Variants in MSR1 observed in about 807,000 individuals in gnomAD.
MSR1 encodes macrophage scavenger receptor types I and II.
In MSR1, 53 loss-of-function variants were observed where a neutral mutation model predicts 47.2. The observed-to-expected ratio is 1.12, with a 90% confidence interval of 0.90 to 1.41. MSR1 has a LOEUF of 1.41. Among genes scored for constraint, MSR1 ranks in the 40% most tolerant of loss-of-function variants. MSR1 has a pLI of 0.00. For missense variants in MSR1, 786 were observed against 546.9 expected, an observed-to-expected ratio of 1.44 and a Z score of -4.36; for synonymous variants, 239 against 185.6, an observed-to-expected ratio of 1.29 and a Z score of -2.34.
At chr8:16,141,447 A>G (rs560670544) in intron 8 of MSR1, among the ~76,000 whole-genome samples, 76 of 152,324 alleles carry the variant, frequency 5.0e-4, no homozygotes, top group Middle Eastern at 6.8e-3. Context: ...TAGCTGAATA[A>G]TAGAATAATG....
At position 16,108,171 on chromosome 8, in the gene MSR1, G is replaced by C. The variant is rs959339444; in HGVS notation, c.*1914C>G. ...TAATAGTACTATTAACAGTGTCATAGTACTAGTACTAGTAATAGTACTAGT... is the reference window on the plus strand; with the variant it reads ...TAATAGTACTATTAACAGTGTCATACTACTAGTACTAGTAATAGTACTAGT... On this transcript the variant is annotated 3_prime_UTR_variant, in exon 10 of 10. Coordinates refer to ENST00000262101, the MANE Select transcript of MSR1 (RefSeq NM_138715.3). The C allele has an allele frequency of 1.4e-5, 2 of 146,816 alleles. No individual in the cohort carries two copies. The highest frequency in any genetic ancestry group is 2.5e-5 in the African/African-American group (1 of 39,638). The allele number at this position is 146,816 out of a possible 1,614,324, so 9.1% of individuals were successfully genotyped here.
intron 1 of MSR1, among the ~76,000 whole-genome samples, chr8:16,181,234 T>C (rs1177894131): frequency 1.3e-5 from 2 of 152,204 alleles, no homozygotes; most frequent in East Asian, 3.9e-4. Context: ...CTGGGTCAAA[T>C]GGCATTTCTG....
chr8:16,123,087 C>A (rs1352991345), intron 8 of MSR1, among the ~76,000 whole-genome samples: 1 of 151,972 alleles, frequency 6.6e-6, no homozygotes, highest in East Asian at 1.9e-4. Flanking sequence ...CCTCGTGATC[C>A]GCCCGACTCG....
chr8:16,179,879 CAAAAA>C (rs58441043), intron 1 of MSR1, among the ~76,000 whole-genome samples: 17,284 of 81,000 alleles, frequency 0.21, 1,633 homozygotes, highest in East Asian at 0.45. Context: ...CCCTGTGTCT[CAAAAA>C]AAAAAAAAAA....
chr8:16,171,479 C>T (rs1801485861), intron 3 of MSR1, among the ~76,000 whole-genome samples: 1 of 151,862 alleles, frequency 6.6e-6, no homozygotes, highest in Non-Finnish European at 1.5e-5. Context: ...GTATCAATAC[C>T]TTGGAAATAA....
At chr8:16,147,053 A>G (rs114576855) in intron 7 of MSR1, among the ~76,000 whole-genome samples, 1,888 of 152,310 alleles carry the variant, frequency 0.012, 46 homozygotes, top group African/African-American at 0.042. Flanking sequence ...TTCAAGAGGC[A>G]AAACAGACAG....
chr8:16,182,037 G>C (rs73665252), intron 1 of MSR1, among the ~76,000 whole-genome samples: 1,846 of 152,226 alleles, frequency 0.012, 29 homozygotes, highest in African/African-American at 0.042. Context: ...AAACCTAGAT[G>C]GTCTAGCCTA....
intron 2 of MSR1, among the ~76,000 whole-genome samples, chr8:16,176,278 G>T (rs897813784): frequency 6.6e-6 from 1 of 152,216 alleles, no homozygotes; most frequent in Non-Finnish European, 1.5e-5. Flanking sequence ...AGGCCAAGGC[G>T]GGAGGATGGC....
At chr8:16,135,061 C>A (rs1800357832) in intron 8 of MSR1, among the ~76,000 whole-genome samples, 1 of 152,126 alleles carries the variant, frequency 6.6e-6, no homozygotes, top group African/African-American at 2.4e-5. Context: ...GATGATTTAG[C>A]AAGTGTGGAT....
chr8:16,132,704 G>A (rs1800290610), intron 8 of MSR1, among the ~76,000 whole-genome samples: 1 of 151,942 alleles, frequency 6.6e-6, no homozygotes, highest in African/African-American at 2.4e-5. Flanking sequence ...AGGCTGGTCT[G>A]GAACTCCTTA....
rs926177456 is a variant in MSR1, at chr8:16,117,124, G to C, written c.1222+3294C>G. On this transcript the variant is annotated intron_variant, in intron 9 of 9. Transcript: ENST00000262101. ...GAAACAAAGCTGCACAGCAGGAGGT[G>C]AGCAGCAGGTGAGTGAGCAAAGCTT... Among the ~76,000 whole-genome samples the C allele has an allele frequency of 2.0e-5, 3 of 152,274 alleles. No individual in the cohort carries two copies. The South Asian group carries it at 6.2e-4, about 32-fold the overall frequency.
intron 8 of MSR1, among the ~76,000 whole-genome samples, chr8:16,129,411 T>C (rs1426266239): frequency 6.6e-6 from 1 of 152,074 alleles, no homozygotes; most frequent in Non-Finnish European, 1.5e-5. Context: ...AGACTCCATG[T>C]GAAACAAGCC....
Position 16,177,887 on chromosome 8 carries a change from C to A in MSR1, c.102G>T (p.Pro34=), listed in dbSNP as rs139657703. The change falls in exon 2 of 10, where the codon CCG becomes CCT. Residue 34 remains proline (P), a splice_region_variant and synonymous_variant. Coordinates refer to ENST00000262101, the MANE Select transcript of MSR1 (RefSeq NM_138715.3). ...GGCAGCCCATCCCCCTCTACTTACTCGGAGGAAGCAAAGCTGTCATTGAGC... is the reference window on the plus strand; with the variant it reads ...GGCAGCCCATCCCCCTCTACTTACTAGGAGGAAGCAAAGCTGTCATTGAGC... ...DARSMTALLP[P]NPKNSPSLQE... is the part of the protein sequence containing the mutation. 34 of 1,613,192 alleles carry A rather than the reference C, an allele frequency of 2.1e-5. No homozygotes were observed. Among genetic ancestry groups the A allele is most frequent in the Admixed American group, 1.3e-4 (8 of 59,966 alleles).
Position 16,139,747 on chromosome 8 carries a change from TAAAAAAAAAAAAAAAA to T in MSR1, c.1033+3795_1033+3810del, listed in dbSNP as rs1162319738. 1.9e-4 allele frequency: 28 copies of T among 146,612 alleles called. No individual in the cohort carries two copies. In the African/African-American group the frequency reaches 2.8e-3, roughly 14 times the overall value. The allele number at this position is 146,612 out of a possible 1,614,324, so 9.1% of individuals were successfully genotyped here. A position where few individuals can be genotyped will look rare whatever the true frequency, so the allele number is the denominator to read the frequency against. On this transcript the variant is annotated intron_variant, in intron 8 of 9. Coordinates refer to ENST00000262101, the MANE Select transcript of MSR1 (RefSeq NM_138715.3). ...CCAAGCTCGACTACACTTCAAAACT[TAAAAAAAAAAAAAAAA>T]AAAAAAAAAAAATATATATATATAT... is the stretch of plus-strand genomic sequence containing the variant.
At chr8:16,126,649 G>T (rs1018195959) in intron 8 of MSR1, among the ~76,000 whole-genome samples, 1 of 152,076 alleles carries the variant, frequency 6.6e-6, no homozygotes, top group African/African-American at 2.4e-5. Context: ...AATTTCTCTA[G>T]AAAAATAACA....
In MSR1 at chr8:16,175,212, G is replaced by T. The variant is rs777015973; in HGVS notation, c.192C>A (p.Leu64=). ...IALYLLVFAV[L]IPLIGIVAAQ... is the part of the protein sequence containing the mutation. ...CTGCCACTATTCCAATGAGAGGGAT[G>T]AGAACTGCAAACACGAGGAGGTAAA... Residue 64 remains leucine (L), a synonymous_variant, in exon 3 of 10, where the codon CTC becomes CTA. Coordinates refer to ENST00000262101, the MANE Select transcript of MSR1 (RefSeq NM_138715.3). 11 of 1,613,906 alleles carry T rather than the reference G, an allele frequency of 6.8e-6. No homozygotes were observed. The South Asian group carries it at 1.2e-4, about 18-fold the overall frequency.
chr8:16,164,528 T>C (rs1190484092), intron 4 of MSR1, among the ~76,000 whole-genome samples: 1 of 151,998 alleles, frequency 6.6e-6, no homozygotes, highest in Non-Finnish European at 1.5e-5. Context: ...TATATATAGA[T>C]GTCAAAATTC....
intron 8 of MSR1, among the ~76,000 whole-genome samples, chr8:16,129,552 C>G (rs1800207472): frequency 6.6e-6 from 1 of 151,998 alleles, no homozygotes; most frequent in Admixed American, 6.6e-5. Context: ...TAGAGACCAG[C>G]CTGGGCAAGA....
intron 8 of MSR1, among the ~76,000 whole-genome samples, chr8:16,133,095 T>G (rs1414501974): frequency 6.6e-6 from 1 of 152,126 alleles, no homozygotes; most frequent in Non-Finnish European, 1.5e-5. Flanking sequence ...TTTCCATTAT[T>G]AGTAAAATAT....
Sources: allele counts gnomAD v4.1 joint callset (sites outside exome capture counted in the v4.1 genomes callset), GRCh38; gene constraint gnomAD v4.1.1; transcripts MANE v1.5; gene names NCBI Gene and HGNC (gene_info 2026-07-23, HGNC 2026-07-21).